The following HEATR3 variants were observed in gnomAD, a reference collection of about 807,000 sequenced individuals.
HEATR3 encodes HEAT repeat-containing protein 3.
In HEATR3, 56 loss-of-function variants were observed where a neutral mutation model predicts 72.8. The observed-to-expected ratio is 0.77, with a 90% CI of 0.62 to 0.96. The LOEUF (loss-of-function observed/expected upper bound fraction) is 0.96. Ranked by LOEUF, HEATR3 falls within the 40% of genes least tolerant of loss-of-function variation. The pLI, the probability that HEATR3 is intolerant of heterozygous loss-of-function variation, is 0.00. For synonymous variants in HEATR3, 331 were observed against 318.1 expected, an observed-to-expected ratio of 1.04 and a Z score of -0.43; for missense variants, 747 against 831.4, an observed-to-expected ratio of 0.90 and a Z score of 1.25.
chr16:50,071,215 T>A (rs2036603642), intron 4 of HEATR3, among the ~76,000 whole-genome samples: 1 of 129,680 alleles, frequency 7.7e-6, no homozygotes. Flanking sequence ...CTAGCAAGAC[T>A]CTGTCACAGT....
At chr16:50,101,618 C>A (rs997783569) in intron 13 of HEATR3, among the ~76,000 whole-genome samples, 1 of 152,190 alleles carries the variant, frequency 6.6e-6, no homozygotes, top group Non-Finnish European at 1.5e-5. Flanking sequence ...ATCAGTTGTC[C>A]AATATAGTGT....
At chr16:50,066,563 G>T in intron 2 of HEATR3, 24 bp downstream of exon 2, 2 of 1,277,770 alleles carry the variant, frequency 1.6e-6, no homozygotes, top group South Asian at 5.5e-5. Flanking sequence ...GGTGCGGGGC[G>T]GTGCCCACCG....
chr16:50,087,513 CTA>C (rs2037014040), intron 11 of HEATR3, among the ~76,000 whole-genome samples: 1 of 152,110 alleles, frequency 6.6e-6, no homozygotes, highest in Non-Finnish European at 1.5e-5. Flanking sequence ...CCACATTAAA[CTA>C]TAGGAGCTCA....
chr16:50,083,916 A>G, intron 7 of HEATR3, 21 bp from the exon 8 acceptor site: 2 of 1,262,974 alleles, frequency 1.6e-6, no homozygotes, highest in Non-Finnish European at 2.2e-6. Context: ...TTGGTCATTT[A>G]CTTTTTTTTT....
At chr16:50,067,338 G>C (rs1317807823) in intron 2 of HEATR3, among the ~76,000 whole-genome samples, 2 of 150,276 alleles carry the variant, frequency 1.3e-5, no homozygotes, top group African/African-American at 2.5e-5. Flanking sequence ...CTGGGTGATA[G>C]AACAAGACCC....
intron 13 of HEATR3, among the ~76,000 whole-genome samples, chr16:50,100,922 G>A (rs1322437038): frequency 6.6e-6 from 1 of 152,152 alleles, no homozygotes; most frequent in Non-Finnish European, 1.5e-5. Context: ...TAGGAGTACA[G>A]CGTCACTAGT....
chr16:50,100,553 G>A (rs1597179987), intron 13 of HEATR3, 180 bp downstream of exon 13: 2 of 540,208 alleles, frequency 3.7e-6, no homozygotes. Context: ...GTATTAATTA[G>A]GTAAGTATTT....
At chr16:50,071,754 T>C (rs1219204793) in intron 4 of HEATR3, among the ~76,000 whole-genome samples, 1 of 152,238 alleles carries the variant, frequency 6.6e-6, no homozygotes, top group Non-Finnish European at 1.5e-5. Flanking sequence ...TTTAGTTTAA[T>C]AATTTAGTCA....
At chr16:50,074,328 A>G (rs537440359) in intron 5 of HEATR3, 2 of 143,630 alleles carry the variant, frequency 1.4e-5, no homozygotes, top group Admixed American at 7.7e-5. Flanking sequence ...AAGTACATAA[A>G]TTGAGGGTAA....
intron 13 of HEATR3, among the ~76,000 whole-genome samples, chr16:50,101,106 C>CTTTTTTTTTTTTTTTTTTTTTT (rs5816674): frequency 6.9e-6 from 1 of 144,342 alleles, no homozygotes; most frequent in South Asian, 2.2e-4. Flanking sequence ...ACTTGCAAAG[C>CTTTTTTTTTTTTTTTTTTTTTT]TTTTTTTTTT....
chr16:50,102,515 A>G, intron 14 of HEATR3, 80 bp downstream of exon 14: 1 of 1,272,360 alleles, frequency 7.9e-7, no homozygotes, highest in Non-Finnish European at 1.1e-6. Flanking sequence ...CCGCTGTGCA[A>G]CTCAGAAGCA....
In HEATR3 at chr16:50,066,079, C is replaced by G. The variant is rs1033704643; in HGVS notation, c.-53C>G. On this transcript the variant is annotated 5_prime_UTR_variant, in exon 1 of 15. Coordinates refer to ENST00000299192, the MANE Select transcript of HEATR3 (RefSeq NM_182922.4). ...TTGTTAACGGCGCGGCAGCCTCCAC[C>G]GCCTGCTGTTGCCCTCCTCTCTCGG... 2.6e-6 allele frequency: 4 copies of G among 1,538,788 alleles called. No homozygotes were observed. Among genetic ancestry groups the G allele is most frequent in the Non-Finnish European group, 3.5e-6 (4 of 1,145,064 alleles).
intron 11 of HEATR3, 62 bp from the exon 12 acceptor site, chr16:50,094,643 G>A: frequency 2.2e-6 from 2 of 891,262 alleles, no homozygotes; most frequent in East Asian, 2.7e-5. Flanking sequence ...TTTGTTTGTT[G>A]CTTCTACAAA....
In HEATR3 at chr16:50,086,320, G is replaced by T; in HGVS notation, c.1479G>T (p.Gln493His). ...CCGCAGCCCTTCAGACGCTTGCACA[G>T]CATCTGTCACAGCTGCTTTTTTCTC... is the stretch of plus-strand genomic sequence containing the variant. ...GGAAALQTLA[Q>H]HLSQLLFSQP... The change falls in exon 11 of 15, where the codon CAG becomes CAT. Residue 493 changes from glutamine (Q) to histidine (H), a missense_variant. Gln to His is a conservative substitution (Grantham distance 24). This residue lies in a region of HEATR3 where 586 missense variants were observed against 708.8 expected (regional missense o/e 0.83). Coordinates refer to ENST00000299192, the MANE Select transcript of HEATR3 (RefSeq NM_182922.4). 6.3e-7 allele frequency: 1 copy of T among 1,599,114 alleles called. No individual in the cohort carries two copies. The highest frequency in any genetic ancestry group is 1.3e-5 in the African/African-American group (1 of 74,876).
intron 7 of HEATR3, among the ~76,000 whole-genome samples, chr16:50,081,086 ATTAC>A (rs2036856624): frequency 6.6e-6 from 1 of 152,214 alleles, no homozygotes; most frequent in Admixed American, 6.5e-5. Context: ...TTATTTTCTT[ATTAC>A]TTTTATTTTG....
chr16:50,107,050 G>A lies in HEATR3; in HGVS notation c.*1989G>A, dbSNP rs1051854903. Among the ~76,000 whole-genome samples the A allele has an allele frequency of 4.6e-5, 7 of 152,082 alleles. No homozygotes were observed. Among genetic ancestry groups the A allele is most frequent in the African/African-American group, 1.7e-4 (7 of 41,410 alleles). ...ATGATTGGCCCAAGCATGTCTCCTT[G>A]GAGAACGACTCTTCCAAAAAAGAAA... On this transcript the variant is annotated 3_prime_UTR_variant, in exon 15 of 15. Coordinates refer to ENST00000299192, the MANE Select transcript of HEATR3 (RefSeq NM_182922.4).
At chr16:50,070,544 A>T (rs1378860533) in intron 4 of HEATR3, among the ~76,000 whole-genome samples, 1 of 152,130 alleles carries the variant, frequency 6.6e-6, no homozygotes, top group Admixed American at 6.5e-5. Context: ...TACCAAAAAT[A>T]TTAAAAAATT....
rs113477913 is a variant in HEATR3 at position 50,066,006 on chromosome 16, T to A, written c.-126T>A. ...CGTGCGCCTGCGCACGGCTTGCCCA[T>A]GTGTGCTGCAGCCGTCAGCCGGCCC... is the stretch of plus-strand genomic sequence containing the variant. On this transcript the variant is annotated 5_prime_UTR_variant, in exon 1 of 15. The change abolishes an upstream ATG in the 5' untranslated region. Transcript: ENST00000299192. 2 of 664,224 alleles carry A rather than the reference T, an allele frequency of 3.0e-6. No individual in the cohort carries two copies. Among genetic ancestry groups the A allele is most frequent in the South Asian group, 3.5e-5 (2 of 57,714 alleles). The allele number at this position is 664,224 out of a possible 1,614,324, so 41.1% of individuals were successfully genotyped here.
chr16:50,095,941 G>C (rs994205532), intron 12 of HEATR3, among the ~76,000 whole-genome samples: 2 of 151,934 alleles, frequency 1.3e-5, no homozygotes, highest in Non-Finnish European at 2.9e-5. Context: ...CCAAATTAAC[G>C]GATATTTCTT....
Sources: gnomAD v4.1 joint callset for allele counts (sites outside exome capture counted in the v4.1 genomes callset) on GRCh38, gnomAD v4.1.1 for gene constraint, gnomAD v4.1.1 regional missense constraint, MANE v1.5 for transcripts, NCBI Gene and HGNC (gene_info 2026-07-23, HGNC 2026-07-21) for gene names.